Variants in PWWP3B observed in about 807,000 individuals in gnomAD.
PWWP3B encodes PWWP domain containing 3B.
A neutral mutation model predicts 15.7 loss-of-function variants in PWWP3B; 5 were observed. The ratio of observed to expected loss-of-function variants is 0.32; its 90% confidence interval spans 0.17 to 0.67. The LOEUF (loss-of-function observed/expected upper bound fraction) is 0.67. Among genes scored for constraint, PWWP3B ranks in the 30% least tolerant of loss-of-function variants. The pLI is 0.74. For synonymous variants in PWWP3B, 203 were observed against 179.8 expected (o/e 1.13, Z -1.03); for missense variants, 519 against 493.1 (o/e 1.05, Z -0.50).
chrX:106,199,586 G>A (rs1461010677), intron 2 of PWWP3B, among the ~76,000 whole-genome samples: 5 of 110,403 alleles, frequency 4.5e-5, no homozygotes, highest in East Asian at 5.7e-4. Flanking sequence ...TCTCTATCAT[G>A]ATCAAATTCT....
intron 2 of PWWP3B, among the ~76,000 whole-genome samples, chrX:106,177,691 A>G (rs773963108): frequency 8.9e-6 from 1 of 112,597 alleles, no homozygotes; most frequent in South Asian, 3.7e-4. Flanking sequence ...ACTTAAACAC[A>G]TTATTCTACA....
At chrX:106,205,115 C>G (rs1194840197) in intron 3 of PWWP3B, 104 bp from the exon 4 acceptor site, 1 of 186,859 alleles carries the variant, frequency 5.4e-6, no homozygotes, top group Non-Finnish European at 9.8e-6. Flanking sequence ...CCCCACTGCA[C>G]ATTGTTCTTT....
intron 2 of PWWP3B, among the ~76,000 whole-genome samples, chrX:106,183,219 T>C (rs1207318401): frequency 1.8e-5 from 2 of 111,756 alleles, no homozygotes; most frequent in Non-Finnish European, 3.8e-5. Flanking sequence ...GCAACTCCAT[T>C]CCCTTTTCTC....
At chrX:106,173,593 A>G (rs1467612006) in intron 2 of PWWP3B, among the ~76,000 whole-genome samples, 6 of 111,684 alleles carry the variant, frequency 5.4e-5, no homozygotes, top group Non-Finnish European at 1.1e-4. Context: ...TATTCAAGCT[A>G]CTTTGTGAAG....
chrX:106,194,947 C>G lies in PWWP3B; in HGVS notation c.-400-9038C>G, dbSNP rs754361254. Among the ~76,000 whole-genome samples, 3 of 111,424 alleles carry G rather than the reference C, an allele frequency of 2.7e-5. No individual in the cohort carries two copies. In the East Asian group the frequency reaches 8.5e-4, roughly 32 times the overall value. ...CCGGCCGTATGAGGTGTCAGTCTGC[C>G]CCTACTGGGGGGTGCCTCCCAATTA... On this transcript the variant is annotated intron_variant, in intron 2 of 3. Coordinates refer to ENST00000357175, the MANE Select transcript of PWWP3B (RefSeq NM_001171020.2).
intron 2 of PWWP3B, among the ~76,000 whole-genome samples, chrX:106,202,927 CAG>C (rs1377806092): frequency 8.9e-6 from 1 of 111,781 alleles, no homozygotes; most frequent in Admixed American, 9.5e-5. Flanking sequence ...GTTGTAGAGA[CAG>C]GGATAGCTTT....
At chrX:106,174,259 T>C (rs1190205671) in intron 2 of PWWP3B, among the ~76,000 whole-genome samples, 1 of 111,725 alleles carries the variant, frequency 9.0e-6, no homozygotes, top group Non-Finnish European at 1.9e-5. Context: ...TGGCAGGAGA[T>C]GTGTTTACCC....
chrX:106,193,147 T>A (rs1166061869), intron 2 of PWWP3B, among the ~76,000 whole-genome samples: 4 of 111,330 alleles, frequency 3.6e-5, no homozygotes, highest in African/African-American at 1.3e-4. Flanking sequence ...GGTGTTAAAG[T>A]CTCCCATTAT....
chrX:106,203,129 T>A (rs1450085439), intron 2 of PWWP3B, among the ~76,000 whole-genome samples: 1 of 111,712 alleles, frequency 9.0e-6, no homozygotes, highest in Non-Finnish European at 1.9e-5. Flanking sequence ...CTGAAGCTGG[T>A]TTCAAATTTT....
chrX:106,208,921 G>C lies in PWWP3B; in HGVS notation c.*1398G>C, dbSNP rs959305549. ...TTTATGTAAAGTTTGCAAAAGTTTG[G>C]TGTTTTGATTTATAATAAAACTGTT... On this transcript the variant is annotated 3_prime_UTR_variant, in exon 4 of 4. Transcript: ENST00000357175. The C allele has an allele frequency of 8.2e-6, 1 of 122,155 alleles. No homozygotes were observed. Among genetic ancestry groups the C allele is most frequent in the African/African-American group, 3.3e-5 (1 of 30,452 alleles). The allele number at this position is 122,155 out of a possible 1,213,427, so 10.1% of individuals were successfully genotyped here.
chrX:106,191,714 C>T (rs1236564462), intron 2 of PWWP3B, among the ~76,000 whole-genome samples: 1 of 111,094 alleles, frequency 9.0e-6, no homozygotes, highest in Non-Finnish European at 1.9e-5. Context: ...AGATACGTCC[C>T]ATCAGTACCT....
intron 2 of PWWP3B, among the ~76,000 whole-genome samples, chrX:106,186,275 C>G (rs62603124): frequency 9.9e-5 from 11 of 110,904 alleles, no homozygotes; most frequent in Admixed American, 1.9e-4. Context: ...TGGCTTTCCT[C>G]TCTGTTGACC....
At chrX:106,174,159 C>T (rs190322277) in intron 2 of PWWP3B, among the ~76,000 whole-genome samples, 58 of 111,639 alleles carry the variant, frequency 5.2e-4, no homozygotes, top group African/African-American at 1.7e-3. Context: ...GAGTCCCCAA[C>T]GCAGACAGTT....
chrX:106,172,263 TA>T (rs929160923), intron 2 of PWWP3B, among the ~76,000 whole-genome samples: 27 of 110,046 alleles, frequency 2.5e-4, no homozygotes, highest in Middle Eastern at 4.6e-3. Flanking sequence ...TAAAAAAAAA[TA>T]TTTTTTTAAT....
chrX:106,183,441 C>T (rs148130527), intron 2 of PWWP3B, among the ~76,000 whole-genome samples: 288 of 111,525 alleles, frequency 2.6e-3, no homozygotes, highest in African/African-American at 8.7e-3. Flanking sequence ...TTTGCCCTTC[C>T]GAATTGTCCT....
chrX:106,185,074 A>G (rs1005196974), intron 2 of PWWP3B, among the ~76,000 whole-genome samples: 5 of 111,586 alleles, frequency 4.5e-5, no homozygotes, highest in African/African-American at 1.6e-4. Context: ...GGCATAAGGT[A>G]TTTCACTCCA....
chrX:106,192,223 G>A, intron 2 of PWWP3B, among the ~76,000 whole-genome samples: 1 of 111,557 alleles, frequency 9.0e-6, no homozygotes, highest in African/African-American at 3.3e-5. Flanking sequence ...TTCAGCTCCT[G>A]TTATTGGTCT....
At chrX:106,183,682 T>G (rs1922340417) in intron 2 of PWWP3B, among the ~76,000 whole-genome samples, 1 of 112,403 alleles carries the variant, frequency 8.9e-6, no homozygotes, top group African/African-American at 3.2e-5. Flanking sequence ...CCAGGATTCC[T>G]TGGATGGTAA....
chrX:106,169,017 A>C (rs776642977), intron 1 of PWWP3B, among the ~76,000 whole-genome samples: 3 of 111,939 alleles, frequency 2.7e-5, no homozygotes, highest in Non-Finnish European at 5.6e-5. Context: ...GCAATGGAAA[A>C]AATCTAAAAG....
Sources: gnomAD v4.1 joint callset for allele counts (sites outside exome capture counted in the v4.1 genomes callset) on GRCh38, gnomAD v4.1.1 for gene constraint, MANE v1.5 for transcripts, NCBI Gene and HGNC (gene_info 2026-07-23, HGNC 2026-07-21) for gene names.